Variants in CLYBL observed in about 807,000 individuals in gnomAD.
The protein encoded by CLYBL is citramalyl-CoA lyase, mitochondrial.
CLYBL carries 31 observed loss-of-function variants against 38.9 expected under a neutral mutation model. That is an observed-to-expected ratio of 0.80 (90% CI 0.60 to 1.08). The LOEUF (loss-of-function observed/expected upper bound fraction) is 1.08. CLYBL is among the 50% of genes least tolerant of loss of function. The pLI, the probability that CLYBL is intolerant of heterozygous loss-of-function variation, is 0.00. For missense variants in CLYBL, 434 were observed against 411.6 expected, an observed-to-expected ratio of 1.05 and a Z score of -0.47; for synonymous variants, 171 against 158.6, an observed-to-expected ratio of 1.08 and a Z score of -0.59.
chr13:99,754,416 CAAAAAAAAAAAAA>C (rs1172376194), intron 1 of CLYBL, among the ~76,000 whole-genome samples: 1 of 71,886 alleles, frequency 1.4e-5, no homozygotes, highest in African/African-American at 5.7e-5. Flanking sequence ...GACCCTGTCT[CAAAAAAAAAAAAA>C]AAAAAAAAAA....
At chr13:99,882,877 T>TC (rs2052247493) in intron 7 of CLYBL, among the ~76,000 whole-genome samples, 1 of 151,006 alleles carries the variant, frequency 6.6e-6, no homozygotes, top group African/African-American at 2.4e-5. Flanking sequence ...TGACATCCTT[T>TC]CCCCTAGATC....
At chr13:99,685,671 C>A (rs577882786) in intron 1 of CLYBL, among the ~76,000 whole-genome samples, 11 of 152,206 alleles carry the variant, frequency 7.2e-5, no homozygotes, top group African/African-American at 2.2e-4. Flanking sequence ...CTCTCAAGAA[C>A]CTCTTAGAGG....
At chr13:99,795,420 G>C (rs1015160698) in intron 2 of CLYBL, among the ~76,000 whole-genome samples, 2 of 152,148 alleles carry the variant, frequency 1.3e-5, no homozygotes, top group African/African-American at 4.8e-5. Context: ...TTGGGAGGCT[G>C]AGGAGGGAGG....
At chr13:99,907,827 T>A (rs1411750002) in intron 9 of CLYBL, among the ~76,000 whole-genome samples, 1 of 152,130 alleles carries the variant, frequency 6.6e-6, no homozygotes, top group Non-Finnish European at 1.5e-5. Context: ...AGACTCCATC[T>A]CAAAAACAAT....
chr13:99,669,892 C>G (rs2047539546), intron 1 of CLYBL, among the ~76,000 whole-genome samples: 1 of 152,180 alleles, frequency 6.6e-6, no homozygotes, highest in Non-Finnish European at 1.5e-5. Context: ...ATAAATGACA[C>G]TTTAAAGAGC....
At chr13:99,814,063 A>G (rs1007158779) in intron 2 of CLYBL, among the ~76,000 whole-genome samples, 3 of 152,158 alleles carry the variant, frequency 2.0e-5, no homozygotes, top group African/African-American at 7.2e-5. Context: ...CTTTCCACTC[A>G]CAAGTGGCCC....
chr13:99,790,107 G>T (rs1456125694), intron 2 of CLYBL, among the ~76,000 whole-genome samples: 1 of 151,848 alleles, frequency 6.6e-6, no homozygotes, highest in African/African-American at 2.4e-5. Flanking sequence ...ATGTGAGATG[G>T]GTCTCCTGAA....
chr13:99,778,122 T>C (rs779606722), intron 2 of CLYBL, among the ~76,000 whole-genome samples: 3 of 152,244 alleles, frequency 2.0e-5, no homozygotes, highest in Non-Finnish European at 2.9e-5. Context: ...TTCAGTGTTC[T>C]GGGACTGGGA....
chr13:99,885,025 T>G (rs1253607699), intron 7 of CLYBL: 3 of 516,670 alleles, frequency 5.8e-6, no homozygotes, highest in Non-Finnish European at 1.2e-5. Context: ...TTTTCCATCA[T>G]CACCAGGTCA....
intron 1 of CLYBL, among the ~76,000 whole-genome samples, chr13:99,698,135 A>G (rs1594125571): frequency 2.0e-5 from 3 of 152,272 alleles, no homozygotes; most frequent in East Asian, 1.9e-4. Flanking sequence ...ATGTGTTTTC[A>G]TGCTGCTGAA....
chr13:99,701,033 A>G (rs897034683), intron 1 of CLYBL, among the ~76,000 whole-genome samples: 1 of 152,160 alleles, frequency 6.6e-6, no homozygotes, highest in Admixed American at 6.6e-5. Flanking sequence ...AGGATGCTGT[A>G]AGACAGCCAG....
intron 1 of CLYBL, among the ~76,000 whole-genome samples, chr13:99,611,530 T>C (rs1316954120): frequency 1.3e-5 from 2 of 152,256 alleles, no homozygotes; most frequent in African/African-American, 4.8e-5. Context: ...TTGGATTGCA[T>C]GTGCTAAAAT....
At chr13:99,885,548 A>T (rs1310142736) in intron 7 of CLYBL, among the ~76,000 whole-genome samples, 1 of 152,154 alleles carries the variant, frequency 6.6e-6, no homozygotes, top group Admixed American at 6.5e-5. Context: ...TTTTAGAAAG[A>T]TAACAGCACG....
At chr13:99,780,022 C>G (rs573273988) in intron 2 of CLYBL, among the ~76,000 whole-genome samples, 1 of 152,096 alleles carries the variant, frequency 6.6e-6, no homozygotes, top group Non-Finnish European at 1.5e-5. Context: ...TTATGTTATT[C>G]AAATATACAA....
intron 1 of CLYBL, among the ~76,000 whole-genome samples, chr13:99,755,328 G>A (rs2049043319): frequency 6.6e-6 from 1 of 152,188 alleles, no homozygotes; most frequent in Non-Finnish European, 1.5e-5. Context: ...CAGTGAAGTT[G>A]CTCATGTGTC....
downstream of CLYBL, among the ~76,000 whole-genome samples, chr13:99,900,077 C>T (rs1474579523): frequency 6.6e-6 from 1 of 152,058 alleles, no homozygotes; most frequent in African/African-American, 2.4e-5. Context: ...CAGGGGCACA[C>T]CACAACAACC....
intron 1 of CLYBL, among the ~76,000 whole-genome samples, chr13:99,636,351 T>C (rs2047017488): frequency 6.6e-6 from 1 of 152,218 alleles, no homozygotes; most frequent in Non-Finnish European, 1.5e-5. Flanking sequence ...TAAGAAAATA[T>C]TGAGTGGTCA....
At chr13:99,709,114 G>C (rs1320769582) in intron 1 of CLYBL, among the ~76,000 whole-genome samples, 2 of 151,928 alleles carry the variant, frequency 1.3e-5, no homozygotes, top group African/African-American at 2.4e-5. Flanking sequence ...AGAAAAAAAA[G>C]GAGTGATTAG....
chr13:99,703,430 C>T (rs963557830), intron 1 of CLYBL, among the ~76,000 whole-genome samples: 5 of 152,008 alleles, frequency 3.3e-5, no homozygotes, highest in Admixed American at 6.6e-5. Flanking sequence ...AGTGCAGTGG[C>T]GCGATCTCGG....
Sources: allele counts gnomAD v4.1 joint callset (sites outside exome capture counted in the v4.1 genomes callset), GRCh38; gene constraint gnomAD v4.1.1; transcripts MANE v1.5; gene names NCBI Gene and HGNC (gene_info 2026-07-23, HGNC 2026-07-21).